The following CTNNA2 variants were observed in gnomAD, a reference collection of about 807,000 sequenced individuals.
CTNNA2 encodes catenin alpha 2, also known as catenin alpha-2.
In CTNNA2, 42 loss-of-function variants were observed where a neutral mutation model predicts 101.0. The observed-to-expected ratio is 0.42, with a 90% CI of 0.32 to 0.54. CTNNA2 has a LOEUF of 0.54. Among genes scored for constraint, CTNNA2 ranks in the 20% least tolerant of loss-of-function variants. The pLI, the probability that CTNNA2 is intolerant of heterozygous loss-of-function variation, is 0.14. For missense variants in CTNNA2, 871 were observed against 1,223.1 expected (o/e 0.71, Z 4.29); for synonymous variants, 450 against 456.4 (o/e 0.99, Z 0.18).
At chr2:79,499,272 A>G (rs1048224882) in intron 4 of CTNNA2, 1 of 152,154 alleles carries the variant, frequency 6.6e-6, no homozygotes, top group Non-Finnish European at 1.5e-5. Context: ...AGGTCAGAGT[A>G]TCTTAAACAA....
intron 17 of CTNNA2, among the ~76,000 whole-genome samples, chr2:80,615,690 C>G (rs979409279): frequency 6.6e-6 from 1 of 151,584 alleles, no homozygotes; most frequent in Non-Finnish European, 1.5e-5. Flanking sequence ...TTACTGTTGT[C>G]TACATTCTGT....
chr2:80,391,259 C>G (rs1677488159), intron 7 of CTNNA2, among the ~76,000 whole-genome samples: 1 of 152,078 alleles, frequency 6.6e-6, no homozygotes, highest in African/African-American at 2.4e-5. Flanking sequence ...TCTGTTCACA[C>G]CAGTCCCAGG....
chr2:80,232,341 GTTTGTTTTTTT>G (rs1641851687), intron 7 of CTNNA2, among the ~76,000 whole-genome samples: 24 of 82,058 alleles, frequency 2.9e-4, no homozygotes, highest in African/African-American at 7.6e-4. Context: ...TTGTTTGTTT[GTTTGTTTTTTT>G]TTTTTTTTTT....
chr2:79,948,402 C>T (rs774380792), intron 7 of CTNNA2, among the ~76,000 whole-genome samples: 2 of 152,146 alleles, frequency 1.3e-5, no homozygotes, highest in Non-Finnish European at 2.9e-5. Flanking sequence ...TAATTGCTAA[C>T]AATAGCCTTC....
At chr2:79,372,795 G>A (rs890044546) in intron 3 of CTNNA2, among the ~76,000 whole-genome samples, 2 of 152,160 alleles carry the variant, frequency 1.3e-5, no homozygotes, top group African/African-American at 4.8e-5. Flanking sequence ...TATACCCAAA[G>A]GCTATAAGGC....
chr2:79,773,228 G>C (rs1673718384), intron 3 of CTNNA2, among the ~76,000 whole-genome samples: 1 of 152,200 alleles, frequency 6.6e-6, no homozygotes, highest in African/African-American at 2.4e-5. Context: ...TTAAGCAAGA[G>C]AGGATGGTAT....
At chr2:79,221,442 G>T (rs1674344207) in intron 2 of CTNNA2, among the ~76,000 whole-genome samples, 1 of 152,174 alleles carries the variant, frequency 6.6e-6, no homozygotes. Flanking sequence ...AGCCACTGCA[G>T]CTGGCAAAAA....
intron 4 of CTNNA2, among the ~76,000 whole-genome samples, chr2:79,444,631 A>C (rs1678812287): frequency 6.6e-6 from 1 of 151,960 alleles, no homozygotes; most frequent in Non-Finnish European, 1.5e-5. Context: ...GTTTATGAGC[A>C]GTTTTTTTCC....
At chr2:79,999,556 C>G (rs868650571) in intron 7 of CTNNA2, among the ~76,000 whole-genome samples, 2 of 151,978 alleles carry the variant, frequency 1.3e-5, no homozygotes, top group African/African-American at 2.4e-5. Flanking sequence ...TTTCACAAGC[C>G]TAGATTCTGT....
intron 7 of CTNNA2, among the ~76,000 whole-genome samples, chr2:80,219,737 A>G (rs1160621212): frequency 6.6e-6 from 1 of 152,216 alleles, no homozygotes; most frequent in African/African-American, 2.4e-5. Flanking sequence ...AATTAAATAT[A>G]TAACAAAACC....
Position 79,425,877 on chromosome 2 carries a change from G to A in CTNNA2, c.-135+51864G>A, listed in dbSNP as rs974490153. ...TCTTTTTTGATAGTCTTCATCATAT[G>A]TTTATAGCTTCTAATCAAAAGGGTA... On this transcript the variant is annotated intron_variant, in intron 4 of 21. Transcript: ENST00000466387. 3.9e-5 allele frequency among the ~76,000 whole-genome samples: 6 copies of A among 152,080 alleles called. No individual in the cohort carries two copies. The South Asian group carries it at 1.2e-3, about 32-fold the overall frequency.
intron 7 of CTNNA2, among the ~76,000 whole-genome samples, chr2:80,058,313 C>T (rs745447508): frequency 7.2e-5 from 11 of 152,134 alleles, no homozygotes; most frequent in Admixed American, 2.0e-4. Context: ...AAAGATCATA[C>T]GTAGTTTTCA....
intron 2 of CTNNA2, among the ~76,000 whole-genome samples, chr2:79,268,860 A>C (rs1675023737): frequency 1.3e-5 from 2 of 152,088 alleles, no homozygotes; most frequent in African/African-American, 4.8e-5. Context: ...TAAAAATTCC[A>C]AGGTTTCGAT....
intron 7 of CTNNA2, among the ~76,000 whole-genome samples, chr2:80,058,024 A>G (rs1452766169): frequency 2.0e-5 from 3 of 152,238 alleles, no homozygotes; most frequent in African/African-American, 7.2e-5. Context: ...ACATTTATTC[A>G]CACATTTATT....
chr2:79,610,429 G>T (rs1213612630), intron 1 of CTNNA2, among the ~76,000 whole-genome samples: 2 of 152,056 alleles, frequency 1.3e-5, no homozygotes, highest in Admixed American at 6.6e-5. Context: ...AATGTTTATA[G>T]CTGCTTTATT....
intron 7 of CTNNA2, among the ~76,000 whole-genome samples, chr2:79,920,785 T>C (rs1191890610): frequency 1.3e-5 from 2 of 152,184 alleles, no homozygotes. Context: ...AAGAAATGGA[T>C]AGAATGATCC....
At chr2:79,353,801 A>G (rs1390361368) in intron 3 of CTNNA2, among the ~76,000 whole-genome samples, 1 of 152,088 alleles carries the variant, frequency 6.6e-6, no homozygotes, top group Non-Finnish European at 1.5e-5. Flanking sequence ...GTGGTGGCAG[A>G]TATCATTCTT....
chr2:80,398,860 C>T (rs547551454), intron 8 of CTNNA2, among the ~76,000 whole-genome samples: 33 of 150,950 alleles, frequency 2.2e-4, no homozygotes, highest in Non-Finnish European at 1.2e-4. Flanking sequence ...CATCAAGACT[C>T]TGTCTCAAAA....
At chr2:80,193,508 A>T (rs556033346) in intron 7 of CTNNA2, among the ~76,000 whole-genome samples, 2 of 152,356 alleles carry the variant, frequency 1.3e-5, no homozygotes, top group Admixed American at 1.3e-4. Context: ...ACAGATGCAG[A>T]AATTGAGGCT....
Sources: gnomAD v4.1 joint callset for allele counts (sites outside exome capture counted in the v4.1 genomes callset) on GRCh38, gnomAD v4.1.1 for gene constraint, MANE v1.5 for transcripts, NCBI Gene and HGNC (gene_info 2026-07-23, HGNC 2026-07-21) for gene names.